Variants in TENM4 observed in about 807,000 individuals in gnomAD.
TENM4 encodes teneurin-4.
Under a neutral mutation model 243.3 loss-of-function variants are expected in TENM4, and 82 were observed. The observed-to-expected ratio is 0.34, with a 90% CI of 0.28 to 0.40. The LOEUF (loss-of-function observed/expected upper bound fraction) is 0.40, where lower values mean the gene tolerates loss of function less well. Ranked by LOEUF, TENM4 falls within the 10% of genes least tolerant of loss-of-function variation. The probability of loss-of-function intolerance (pLI) is 1.00; values close to 1 mark genes in which losing one functional copy is unlikely to be tolerated. For synonymous variants in TENM4, 1,412 were observed against 1,456.3 expected (o/e 0.97, Z 0.69); for missense variants, 3,138 against 3,673.3 (o/e 0.85, Z 3.77).
chr11:78,698,525 T>TA (rs1859028467), intron 28 of TENM4, among the ~76,000 whole-genome samples: 1 of 152,304 alleles, frequency 6.6e-6, no homozygotes, highest in East Asian at 1.9e-4. Flanking sequence ...ACATTTCGGT[T>TA]ATAATCTACT....
At chr11:79,183,706 C>T (rs1344141138) in intron 3 of TENM4, among the ~76,000 whole-genome samples, 1 of 151,904 alleles carries the variant, frequency 6.6e-6, no homozygotes, top group Non-Finnish European at 1.5e-5. Flanking sequence ...TAAGACTTCT[C>T]TTGAAAATAA....
At chr11:79,192,284 G>A (rs960121190) in intron 3 of TENM4, among the ~76,000 whole-genome samples, 6 of 152,242 alleles carry the variant, frequency 3.9e-5, no homozygotes, top group African/African-American at 1.4e-4. Flanking sequence ...AGCTCATTGA[G>A]AATGGGCCAT....
chr11:78,997,922 C>G (rs1320003749), intron 6 of TENM4, among the ~76,000 whole-genome samples: 2 of 152,070 alleles, frequency 1.3e-5, no homozygotes, highest in African/African-American at 2.4e-5. Flanking sequence ...AAAGAGAAGT[C>G]TTCTCTCTCT....
chr11:78,929,339 C>G (rs1002020136), intron 6 of TENM4, among the ~76,000 whole-genome samples: 1 of 152,172 alleles, frequency 6.6e-6, no homozygotes, highest in African/African-American at 2.4e-5. Flanking sequence ...AGTGATTACG[C>G]ATTGCCAAGG....
chr11:78,970,703 C>A (rs1030838768), intron 6 of TENM4, among the ~76,000 whole-genome samples: 9 of 152,126 alleles, frequency 5.9e-5, no homozygotes, highest in Admixed American at 1.3e-4. Flanking sequence ...CAAAAGACAG[C>A]AGTAGCTGTA....
chr11:78,772,674 T>C (rs1419463668), intron 17 of TENM4, among the ~76,000 whole-genome samples: 1 of 148,504 alleles, frequency 6.7e-6, no homozygotes, highest in Non-Finnish European at 1.5e-5. Flanking sequence ...AAAACTTGAG[T>C]GTTCCCAGGA....
chr11:78,744,674 T>C (rs1856005173), intron 19 of TENM4, among the ~76,000 whole-genome samples: 1 of 152,230 alleles, frequency 6.6e-6, no homozygotes, highest in South Asian at 2.1e-4. Flanking sequence ...TGCACGCCCT[T>C]TCTGTAAACA....
At chr11:79,316,044 T>G (rs1183783654) in intron 1 of TENM4, among the ~76,000 whole-genome samples, 2 of 152,312 alleles carry the variant, frequency 1.3e-5, no homozygotes, top group East Asian at 3.9e-4. Flanking sequence ...CTAAAAAGTA[T>G]TCATTATTAG....
At chr11:78,878,639 G>T (rs1447739615) in intron 9 of TENM4, among the ~76,000 whole-genome samples, 1 of 152,190 alleles carries the variant, frequency 6.6e-6, no homozygotes, top group East Asian at 1.9e-4. Flanking sequence ...GCAGACCCAA[G>T]ATCAGAGAGA....
chr11:78,978,688 G>A (rs1484208596), intron 6 of TENM4, among the ~76,000 whole-genome samples: 3 of 151,790 alleles, frequency 2.0e-5, no homozygotes, highest in Non-Finnish European at 4.4e-5. Context: ...CACTAGATTG[G>A]GAAAAAAAAT....
chr11:79,125,143 T>A (rs1221722770), intron 4 of TENM4, among the ~76,000 whole-genome samples: 1 of 152,060 alleles, frequency 6.6e-6, no homozygotes, highest in African/African-American at 2.4e-5. Context: ...GTGAACTGTT[T>A]ACAGACTTAT....
chr11:79,138,324 TA>T (rs989707775), intron 4 of TENM4, among the ~76,000 whole-genome samples: 1 of 110,134 alleles, frequency 9.1e-6, no homozygotes, highest in Non-Finnish European at 1.8e-5. Context: ...TATATATATA[TA>T]TATATTATAT....
intron 12 of TENM4, among the ~76,000 whole-genome samples, chr11:78,824,706 G>T (rs1337746379): frequency 6.6e-6 from 1 of 151,202 alleles, no homozygotes; most frequent in Non-Finnish European, 1.5e-5. Flanking sequence ...TTTCACCAAT[G>T]TTGCCCAGGC....
intron 28 of TENM4, among the ~76,000 whole-genome samples, chr11:78,700,886 C>T (rs1464804055): frequency 2.6e-5 from 4 of 152,130 alleles, no homozygotes; most frequent in African/African-American, 9.7e-5. Flanking sequence ...TCCTCATTTC[C>T]CTACTTCCTG....
At chr11:78,694,009 C>T (rs1858894635) in intron 28 of TENM4, among the ~76,000 whole-genome samples, 1 of 151,944 alleles carries the variant, frequency 6.6e-6, no homozygotes, top group Non-Finnish European at 1.5e-5. Context: ...AGTGAGACTC[C>T]ATCTCAAAAA....
intron 6 of TENM4, among the ~76,000 whole-genome samples, chr11:78,969,487 C>T (rs540008877): frequency 2.4e-4 from 36 of 152,270 alleles, no homozygotes; most frequent in African/African-American, 7.7e-4. Flanking sequence ...GAATATACCA[C>T]GAGACTAAAA....
chr11:78,664,360 G>A (rs751624398), intron 32 of TENM4, among the ~76,000 whole-genome samples: 3 of 151,948 alleles, frequency 2.0e-5, no homozygotes, highest in Non-Finnish European at 2.9e-5. Flanking sequence ...CTCAGCCTCC[G>A]GAGTAGCCAG....
chr11:79,155,884 T>G (rs1591320344), intron 3 of TENM4, among the ~76,000 whole-genome samples: 1 of 152,020 alleles, frequency 6.6e-6, no homozygotes, highest in Non-Finnish European at 1.5e-5. Context: ...TGAAGCCTCC[T>G]GACTGGGTTC....
intron 32 of TENM4, 82 bp downstream of exon 32, chr11:78,668,855 G>T: frequency 6.7e-7 from 1 of 1,490,256 alleles, no homozygotes; most frequent in South Asian, 1.4e-5. Context: ...CCTTATGCCA[G>T]CTTTCTCAAA....
Sources: gnomAD v4.1 joint callset for allele counts (sites outside exome capture counted in the v4.1 genomes callset) on GRCh38, gnomAD v4.1.1 for gene constraint, MANE v1.5 for transcripts, NCBI Gene and HGNC (gene_info 2026-07-23, HGNC 2026-07-21) for gene names.